PHYH: variants seen among roughly 807,000 people sequenced by gnomAD.
The protein encoded by PHYH is phytanoyl-CoA 2-hydroxylase, also known as phytanoyl-CoA dioxygenase, peroxisomal.
A neutral mutation model predicts 38.5 loss-of-function variants in PHYH; 32 were observed. That is an observed-to-expected ratio of 0.83 (90% confidence interval 0.63 to 1.12). The LOEUF (loss-of-function observed/expected upper bound fraction) is 1.12. PHYH is among the 50% of genes most tolerant of loss of function. The pLI is 0.00. For synonymous variants in PHYH, 166 were observed against 157.9 expected (o/e 1.05, Z -0.38); for missense variants, 426 against 434.8 (o/e 0.98, Z 0.18).
intron 7 of PHYH, among the ~76,000 whole-genome samples, chr10:13,282,486 C>T (rs190580637): frequency 3.4e-5 from 5 of 148,994 alleles, no homozygotes; most frequent in African/African-American, 7.5e-5. Context: ...CAGCTACTCA[C>T]GAGGCTGAGG....
chr10:13,287,982 C>T (rs142794886), intron 6 of PHYH, among the ~76,000 whole-genome samples: 113 of 152,248 alleles, frequency 7.4e-4, no homozygotes, highest in Middle Eastern at 3.4e-3. Context: ...GAGTTCAAGA[C>T]CAGCCTGGCC....
intron 6 of PHYH, among the ~76,000 whole-genome samples, chr10:13,284,046 G>C (rs2131635035): frequency 6.6e-6 from 1 of 152,198 alleles, no homozygotes; most frequent in East Asian, 1.9e-4. Flanking sequence ...ATTTTGGCCG[G>C]GCATGGTGGT....
At chr10:13,289,387 G>A (rs1344422138) in intron 5 of PHYH, among the ~76,000 whole-genome samples, 1 of 151,858 alleles carries the variant, frequency 6.6e-6, no homozygotes, top group African/African-American at 2.4e-5. Context: ...AGTAGAGACG[G>A]GGTTTCACTG....
At chr10:13,298,734 A>ACTACTACTACTG (rs1196319042) in intron 1 of PHYH, among the ~76,000 whole-genome samples, 277 of 92,150 alleles carry the variant, frequency 3.0e-3, no homozygotes, top group African/African-American at 9.1e-3. Flanking sequence ...TACTACTACT[A>ACTACTACTACTG]CTACTACTAC....
chr10:13,291,091 C>T (rs1296749184), intron 5 of PHYH, among the ~76,000 whole-genome samples: 1 of 60,162 alleles, frequency 1.7e-5, no homozygotes, highest in African/African-American at 7.3e-5. Flanking sequence ...GCAACAAGAG[C>T]AAAACTCCAT....
At chr10:13,298,291 G>T (rs1224466087) in intron 1 of PHYH, 46 bp from the exon 2 acceptor site, 3 of 1,237,850 alleles carry the variant, frequency 2.4e-6, no homozygotes, top group Middle Eastern at 1.9e-4. Flanking sequence ...AGAAGGCCAG[G>T]CACGGTGGCT....
chr10:13,291,699 C>CA, intron 5 of PHYH, 132 bp downstream of exon 5: 1 of 702,360 alleles, frequency 1.4e-6, no homozygotes, highest in Non-Finnish European at 2.6e-6. Context: ...AGGCCACTCT[C>CA]AAACTCCTGG....
intron 1 of PHYH, chr10:13,299,483 A>G: frequency 1.0e-6 from 1 of 1,003,362 alleles, no homozygotes; most frequent in Non-Finnish European, 1.2e-6. Context: ...TCCAGCAGGG[A>G]GGCCGCCCTG....
chr10:13,283,663 A>T, intron 7 of PHYH, 27 bp downstream of exon 7: 1 of 1,610,210 alleles, frequency 6.2e-7, no homozygotes, highest in Non-Finnish European at 8.5e-7. Flanking sequence ...ACACTTCTGC[A>T]GCAGGTGCAG....
chr10:13,298,890 C>T (rs568170372), intron 1 of PHYH, among the ~76,000 whole-genome samples: 5 of 143,912 alleles, frequency 3.5e-5, no homozygotes, highest in African/African-American at 1.3e-4. Flanking sequence ...CACTGCACTC[C>T]AGCCTGACCA....
rs144981673 is a variant in PHYH, at chr10:13,282,515, C to G, written c.828+1175G>C. ...GCTGAGGCAGGAGAATTGCTTGAAC[C>G]TGGGAGGCCAAGGTTGCAGTCAGCT... On this transcript the variant is annotated intron_variant, in intron 7 of 8. Coordinates refer to ENST00000263038, the MANE Select transcript of PHYH (RefSeq NM_006214.4). Among the ~76,000 whole-genome samples, 156 of 146,728 alleles carry G rather than the reference C, an allele frequency of 1.1e-3. 3 individuals carry two copies. In the East Asian group the frequency reaches 0.03, roughly 28 times the overall value.
At chr10:13,292,432 C>A (rs1835734995) in intron 4 of PHYH, among the ~76,000 whole-genome samples, 1 of 152,184 alleles carries the variant, frequency 6.6e-6, no homozygotes, top group South Asian at 2.1e-4. Context: ...CAAGAGTGAA[C>A]AAGCAAAGCA....
chr10:13,283,939 C>T (rs1028936751), intron 6 of PHYH, 100 bp from the exon 7 acceptor site: 2 of 1,031,686 alleles, frequency 1.9e-6, no homozygotes, highest in African/African-American at 3.1e-5. Context: ...GGAAAGAAAG[C>T]ATTTCTCTCT....
At chr10:13,298,398 C>T (rs1027316406) in intron 1 of PHYH, among the ~76,000 whole-genome samples, 153 bp from the exon 2 acceptor site, 5 of 152,048 alleles carry the variant, frequency 3.3e-5, no homozygotes, top group African/African-American at 9.7e-5. Context: ...GAAACCCCAT[C>T]TCTACTAAAA....
chr10:13,298,770 A>ACTG (rs1168453086), intron 1 of PHYH, among the ~76,000 whole-genome samples: 75 of 120,570 alleles, frequency 6.2e-4, no homozygotes, highest in African/African-American at 2.0e-3. Context: ...TACTGCTACT[A>ACTG]CTACTACTAC....
chr10:13,289,705 G>A (rs1052337389), intron 5 of PHYH, among the ~76,000 whole-genome samples: 1 of 151,998 alleles, frequency 6.6e-6, no homozygotes, highest in Non-Finnish European at 1.5e-5. Flanking sequence ...GCTGAGGCAG[G>A]CAGCTCTCTT....
chr10:13,290,832 C>T (rs1052029773), intron 5 of PHYH, among the ~76,000 whole-genome samples: 1 of 152,140 alleles, frequency 6.6e-6, no homozygotes, highest in Non-Finnish European at 1.5e-5. Context: ...CGCGGTGGCT[C>T]ACACCTGTAA....
At chr10:13,282,713 G>A (rs534725552) in intron 7 of PHYH, among the ~76,000 whole-genome samples, 1 of 152,236 alleles carries the variant, frequency 6.6e-6, no homozygotes, top group East Asian at 1.9e-4. Context: ...GTGCTAGTGT[G>A]GGGTCCAATA....
intron 7 of PHYH, among the ~76,000 whole-genome samples, chr10:13,282,234 G>A (rs1352288962): frequency 6.6e-6 from 1 of 152,170 alleles, no homozygotes; most frequent in African/African-American, 2.4e-5. Flanking sequence ...CTGGGCAAAA[G>A]AGCAAGATGC....
Sources: gnomAD v4.1 joint callset for allele counts (sites outside exome capture counted in the v4.1 genomes callset) on GRCh38, gnomAD v4.1.1 for gene constraint, MANE v1.5 for transcripts, NCBI Gene and HGNC (gene_info 2026-07-23, HGNC 2026-07-21) for gene names.